AP3B2: variants seen among roughly 807,000 people sequenced by gnomAD.
AP3B2 encodes adaptor related protein complex 3 subunit beta 2.
Under a neutral mutation model 126.9 loss-of-function variants are expected in AP3B2, and 50 were observed. That is an observed-to-expected ratio of 0.39 (90% CI 0.31 to 0.50). The LOEUF (loss-of-function observed/expected upper bound fraction) is 0.50. Among genes scored for constraint, AP3B2 ranks in the 20% least tolerant of loss-of-function variants. AP3B2 has a pLI of 0.79. For synonymous variants in AP3B2, 541 were observed against 565.0 expected (o/e 0.96, Z 0.60); for missense variants, 1,177 against 1,426.4 (o/e 0.83, Z 2.82).
intron 14 of AP3B2, among the ~76,000 whole-genome samples, chr15:82,668,702 T>C (rs1251672005): frequency 3.3e-5 from 5 of 152,116 alleles, no homozygotes; most frequent in Non-Finnish European, 7.4e-5. Flanking sequence ...GGCCATTCCC[T>C]GTGGATTGTG....
At chr15:82,683,500 C>T (rs1684417207) in intron 4 of AP3B2, among the ~76,000 whole-genome samples, 1 of 152,164 alleles carries the variant, frequency 6.6e-6, no homozygotes, top group Admixed American at 6.5e-5. Flanking sequence ...GGTAGAATTC[C>T]ACCACATATG....
At chr15:82,662,320 C>T in intron 23 of AP3B2, 68 bp from the exon 24 acceptor site, 1 of 1,200,814 alleles carries the variant, frequency 8.3e-7, no homozygotes, top group Admixed American at 2.0e-5. Context: ...TAGAACCCAG[C>T]CTAGCCCTAC....
intron 1 of AP3B2, among the ~76,000 whole-genome samples, chr15:82,693,123 G>C (rs1484961257): frequency 1.3e-5 from 2 of 152,116 alleles, no homozygotes; most frequent in Non-Finnish European, 2.9e-5. Flanking sequence ...AAGGTCAAAG[G>C]TCATGGGGGG....
chr15:82,660,000 T>C lies in AP3B2; in HGVS notation c.3017-17A>G, dbSNP rs1238175977. 31 of 1,613,034 alleles carry C rather than the reference T, an allele frequency of 1.9e-5. No homozygotes were observed. Among genetic ancestry groups the C allele is most frequent in the Non-Finnish European group, 2.5e-5 (30 of 1,179,600 alleles). On this transcript the variant is annotated splice_polypyrimidine_tract_variant and intron_variant, in intron 25 of 26. Transcript: ENST00000535359. ...TCAGCTTTCCTGGGGGTAGAGGTCG[T>C]GATGAGGGCAGAGGCCATGGTGGGT...
chr15:82,667,262 C>T (rs1168965489), intron 14 of AP3B2, among the ~76,000 whole-genome samples: 3 of 152,228 alleles, frequency 2.0e-5, no homozygotes, highest in African/African-American at 7.2e-5. Flanking sequence ...GCCTGTCCAG[C>T]CTCTTTACTC....
rs749053059 is a variant in AP3B2 at position 82,664,887 on chromosome 15, G to A, written c.2085C>T (p.Pro695=). 4 of 1,607,504 alleles carry A rather than the reference G, an allele frequency of 2.5e-6. No homozygotes were observed. Among genetic ancestry groups the A allele is most frequent in the Admixed American group, 3.4e-5 (2 of 59,168 alleles). Residue 695 remains proline, a synonymous_variant, in exon 18 of 27, where the codon CCC becomes CCT. Coordinates refer to ENST00000535359, the MANE Select transcript of AP3B2 (RefSeq NM_001278512.2). The surrounding 1 kb of genome is among the most constrained non-coding windows in gnomAD (Gnocchi z 4.5). The part of the protein sequence containing the change: ...NREKRKEKEK[P]FYSDSEGESG... ...ACTCCCCCTCAGAGTCCGAGTAGAA[G>A]GGTTTTTCCTTCTCCTTTCTCTTCT...
In AP3B2 at chr15:82,659,863, C is replaced by T. The variant is rs957904025; in HGVS notation, c.3137G>A (p.Gly1046Glu). The T allele has an allele frequency of 1.9e-6, 3 of 1,613,936 alleles. No individual in the cohort carries two copies. The highest frequency in any genetic ancestry group is 4.5e-5 in the East Asian group (2 of 44,886). Reference protein sequence around the residue: ...ATANLGRVPCGTSDEYRFAGR... With the variant: ...ATANLGRVPCETSDEYRFAGR... ...CTAGTACCTGTACTCATCAGATGTC[C>T]CACAAGGAACACGACCCAGGTTGGC... Residue 1046 changes from glycine to glutamate, a missense_variant, in exon 26 of 27, where the codon GGG becomes GAG. By Grantham distance (98) the Gly-to-Glu change is moderately conservative. This residue lies in a region of AP3B2 where 587 missense variants were observed against 571.3 expected (regional missense o/e 1.03). Coordinates refer to ENST00000535359, the MANE Select transcript of AP3B2 (RefSeq NM_001278512.2).
chr15:82,659,761 T>C, intron 26 of AP3B2, 51 bp from the exon 27 acceptor site: 1 of 1,610,092 alleles, frequency 6.2e-7, no homozygotes, highest in Non-Finnish European at 8.5e-7. Flanking sequence ...GTGACTGTGT[T>C]TGGAAGGGGA....
At position 82,663,544 on chromosome 15, in the gene AP3B2, T is replaced by G; in HGVS notation, c.2497+16A>C. 6.2e-7 allele frequency: 1 copy of G among 1,613,224 alleles called. No homozygotes were observed. Among genetic ancestry groups the G allele is most frequent in the Non-Finnish European group, 8.5e-7 (1 of 1,179,342 alleles). On this transcript the variant is annotated intron_variant, in intron 21 of 26. Coordinates refer to ENST00000535359, the MANE Select transcript of AP3B2 (RefSeq NM_001278512.2). ...CAGGCCTCCTTTCCCCTGTGACTTT[T>G]ACCACCCAAACTCACAATCCTCTAG...
At chr15:82,670,461 GTC>G (rs2048137806) in intron 14 of AP3B2, among the ~76,000 whole-genome samples, 1 of 152,144 alleles carries the variant, frequency 6.6e-6, no homozygotes, top group Admixed American at 6.6e-5. Context: ...GGAAAGGAGA[GTC>G]TCTTCAATAA....
At chr15:82,685,793 G>T (rs1213453305) in intron 4 of AP3B2, 3 of 152,092 alleles carry the variant, frequency 2.0e-5, no homozygotes, top group African/African-American at 4.8e-5. Context: ...CTATTTTTTA[G>T]GTAGGCCTTT....
intron 1 of AP3B2, among the ~76,000 whole-genome samples, chr15:82,693,482 A>G (rs1385046064): frequency 6.6e-6 from 1 of 150,768 alleles, no homozygotes; most frequent in African/African-American, 2.4e-5. Context: ...CCTGACCTCA[A>G]GTGATCTTCC....
At chr15:82,671,348 A>T (rs1352271110) in intron 14 of AP3B2, among the ~76,000 whole-genome samples, 1 of 152,192 alleles carries the variant, frequency 6.6e-6, no homozygotes, top group Non-Finnish European at 1.5e-5. Flanking sequence ...TATCCAAAAG[A>T]TAGGCAATAA....
chr15:82,672,903 C>T (rs2048181948), intron 14 of AP3B2, among the ~76,000 whole-genome samples: 1 of 152,210 alleles, frequency 6.6e-6, no homozygotes, highest in Non-Finnish European at 1.5e-5. Context: ...CAGCCCCCAG[C>T]TGACAGCCAG....
At chr15:82,696,354 G>A (rs1157925741) in intron 1 of AP3B2, among the ~76,000 whole-genome samples, 1 of 152,172 alleles carries the variant, frequency 6.6e-6, no homozygotes, top group Admixed American at 6.5e-5. Flanking sequence ...AAGGTGGGCA[G>A]ATCACTTAAG....
At chr15:82,682,054 T>TC (rs2048348781) in intron 4 of AP3B2, among the ~76,000 whole-genome samples, 1 of 136,122 alleles carries the variant, frequency 7.3e-6, no homozygotes, top group Non-Finnish European at 1.6e-5. Context: ...TTCCTTTTTT[T>TC]TTTTTTTTTT....
chr15:82,702,532 G>C (rs1238353520), intron 1 of AP3B2, among the ~76,000 whole-genome samples: 2 of 151,988 alleles, frequency 1.3e-5, no homozygotes, highest in Non-Finnish European at 2.9e-5. Context: ...TCCTTCTCCT[G>C]GCTCATCCTG....
intron 14 of AP3B2, among the ~76,000 whole-genome samples, chr15:82,667,948 G>A (rs1477587873): frequency 6.6e-6 from 1 of 152,112 alleles, no homozygotes. Context: ...AAACCACCAA[G>A]TGGTCAACAA....
At chr15:82,709,239 T>G (rs918700863) in intron 1 of AP3B2, among the ~76,000 whole-genome samples, 2 of 152,076 alleles carry the variant, frequency 1.3e-5, no homozygotes. Flanking sequence ...CTCCCCCACA[T>G]TTTTGGGAAG....
Sources: allele counts gnomAD v4.1 joint callset (sites outside exome capture counted in the v4.1 genomes callset), GRCh38; gene constraint gnomAD v4.1.1; regional missense constraint gnomAD v4.1.1; non-coding constraint Gnocchi (gnomAD v3.1); transcripts MANE v1.5; gene names NCBI Gene and HGNC (gene_info 2026-07-23, HGNC 2026-07-21).